The following MAGI1 variants were observed in gnomAD, a reference collection of about 807,000 sequenced individuals.
MAGI1 encodes membrane associated guanylate kinase, WW and PDZ domain containing 1.
A neutral mutation model predicts 139.9 loss-of-function variants in MAGI1; 58 were observed. The observed-to-expected ratio is 0.41, with a 90% CI of 0.34 to 0.52. MAGI1 has a LOEUF of 0.52. MAGI1 is among the 20% of genes least tolerant of loss of function. MAGI1 has a pLI of 0.12. For missense variants in MAGI1, 1,874 were observed against 1,901.6 expected, an observed-to-expected ratio of 0.99 and a Z score of 0.27; for synonymous variants, 812 against 737.9, an observed-to-expected ratio of 1.10 and a Z score of -1.63.
rs139807181 is a variant in MAGI1 at position 65,368,133 on chromosome 3, T to C, written c.3197-3187A>G. ...GAGCCCATTATAAAAAAGAGCTTTATCCCAAAGCAAAATTGACTACTTACG... is the reference window on the plus strand; with the variant it reads ...GAGCCCATTATAAAAAAGAGCTTTACCCCAAAGCAAAATTGACTACTTACG... On this transcript the variant is annotated intron_variant, in intron 18 of 22. Transcript: ENST00000402939. 1.1e-4 allele frequency among the ~76,000 whole-genome samples: 17 copies of C among 152,154 alleles called. No individual in the cohort carries two copies. In the East Asian group the frequency reaches 3.3e-3, roughly 29 times the overall value.
At chr3:65,657,489 T>A (rs1231562042) in intron 1 of MAGI1, among the ~76,000 whole-genome samples, 1 of 150,358 alleles carries the variant, frequency 6.7e-6, no homozygotes, top group Non-Finnish European at 1.5e-5. Flanking sequence ...GTGGGGGAAG[T>A]GTCCTCTATT....
intron 2 of MAGI1, among the ~76,000 whole-genome samples, chr3:65,596,087 C>T (rs1281524958): frequency 6.6e-6 from 1 of 152,086 alleles, no homozygotes; most frequent in East Asian, 1.9e-4. Context: ...GAAAAGAATC[C>T]AACTTCATAT....
chr3:65,541,521 A>G (rs1323801165), intron 2 of MAGI1, among the ~76,000 whole-genome samples: 1 of 152,234 alleles, frequency 6.6e-6, no homozygotes, highest in African/African-American at 2.4e-5. Flanking sequence ...GAAATCCTCA[A>G]TAAAATACTG....
intron 2 of MAGI1, among the ~76,000 whole-genome samples, chr3:65,520,578 A>C (rs1413942585): frequency 1.3e-5 from 2 of 152,202 alleles, no homozygotes; most frequent in Non-Finnish European, 2.9e-5. Flanking sequence ...ATGAGTACTC[A>C]AAAAAAGTGA....
chr3:65,936,933 GTGATGGTGGTGGTGA>G (rs2063087308), intron 1 of MAGI1, among the ~76,000 whole-genome samples: 3 of 151,244 alleles, frequency 2.0e-5, no homozygotes, highest in Admixed American at 6.6e-5. Context: ...GGTGGTGGTG[GTGATGGTGGTGGTGA>G]TGGTGATGGT....
In MAGI1 at chr3:65,764,463, T is replaced by C. The variant is rs373502753; in HGVS notation, c.314-142375A>G. Among the ~76,000 whole-genome samples, 9 of 152,384 alleles carry C rather than the reference T, an allele frequency of 5.9e-5. No homozygotes were observed. In the East Asian group the frequency reaches 1.5e-3, roughly 26 times the overall value. Reference sequence around the variant, plus strand: ...ATATTCTATTTTACTATGTTTGCTATGTTTTCAAAAGAACCAACATTTTAG... The same window carrying C: ...ATATTCTATTTTACTATGTTTGCTACGTTTTCAAAAGAACCAACATTTTAG... On this transcript the variant is annotated intron_variant, in intron 1 of 22. Transcript: ENST00000402939.
intron 1 of MAGI1, among the ~76,000 whole-genome samples, chr3:65,916,013 T>C (rs534956964): frequency 2.0e-5 from 3 of 148,764 alleles, no homozygotes; most frequent in African/African-American, 4.9e-5. Context: ...TTTATATACA[T>C]ATAATTTATA....
chr3:65,433,439 G>A (rs1284145232), intron 10 of MAGI1, among the ~76,000 whole-genome samples: 1 of 152,140 alleles, frequency 6.6e-6, no homozygotes, highest in Non-Finnish European at 1.5e-5. Flanking sequence ...ACAAGGGAAG[G>A]AAAATCAGAG....
At chr3:65,612,404 T>C (rs2083171402) in intron 2 of MAGI1, among the ~76,000 whole-genome samples, 2 of 152,180 alleles carry the variant, frequency 1.3e-5, no homozygotes, top group Admixed American at 1.3e-4. Flanking sequence ...TGTAGCCATT[T>C]GAGCATAAGT....
intron 1 of MAGI1, among the ~76,000 whole-genome samples, chr3:65,783,048 T>C (rs551002170): frequency 1.3e-5 from 2 of 149,962 alleles, no homozygotes; most frequent in Non-Finnish European, 3.0e-5. Context: ...GACATCAAAA[T>C]GAAAAACTTT....
intron 12 of MAGI1, among the ~76,000 whole-genome samples, chr3:65,426,441 A>T (rs1372186158): frequency 1.3e-5 from 2 of 152,212 alleles, no homozygotes; most frequent in Non-Finnish European, 1.5e-5. Context: ...GTTCTGTCCC[A>T]AAGTAAAAAT....
At chr3:65,361,434 G>T in intron 21 of MAGI1, 97 bp from the exon 22 acceptor site, 1 of 1,236,092 alleles carries the variant, frequency 8.1e-7, no homozygotes, top group Non-Finnish European at 1.1e-6. Flanking sequence ...TTGCTTTGGA[G>T]GTGGCAGTGA....
intron 12 of MAGI1, among the ~76,000 whole-genome samples, chr3:65,406,147 T>C (rs1945322840): frequency 6.6e-6 from 1 of 152,114 alleles, no homozygotes; most frequent in Non-Finnish European, 1.5e-5. Flanking sequence ...CCAAAATGAA[T>C]GCATACATAT....
At position 65,400,750 on chromosome 3, in the gene MAGI1, A is replaced by ATTTTTTTTTTTTT. The variant is rs767598706; in HGVS notation, c.2199+676_2199+688dup. On this transcript the variant is annotated intron_variant, in intron 13 of 22. Transcript: ENST00000402939. ...GATTGGAAAGGACAGCAAAACATTG[A>ATTTTTTTTTTTTT]TTTTTTTTTTTTTTTTTTTTTTTTT... Among the ~76,000 whole-genome samples the ATTTTTTTTTTTTT allele has an allele frequency of 2.3e-4, 14 of 60,600 alleles. 1 individual carries two copies. The highest frequency in any genetic ancestry group is 5.4e-4 in the South Asian group (1 of 1,848). The allele number at this position is 60,600 out of a possible 152,430, so 39.8% of individuals were successfully genotyped here. A position where few individuals can be genotyped will look rare whatever the true frequency, so the allele number is the denominator to read the frequency against.
chr3:65,789,023 T>A (rs568373612), intron 1 of MAGI1, among the ~76,000 whole-genome samples: 6 of 151,870 alleles, frequency 4.0e-5, no homozygotes, highest in South Asian at 2.1e-4. Context: ...ACAAAAAAAA[T>A]GTAAAACATT....
At chr3:65,873,662 A>G (rs1383738207) in intron 1 of MAGI1, 4 of 152,180 alleles carry the variant, frequency 2.6e-5, no homozygotes, top group Non-Finnish European at 5.9e-5. Flanking sequence ...CTGGACAGTA[A>G]CAGTGTGTCA....
chr3:65,483,986 A>G (rs1340900491), intron 3 of MAGI1, among the ~76,000 whole-genome samples: 1 of 152,228 alleles, frequency 6.6e-6, no homozygotes, highest in Non-Finnish European at 1.5e-5. Context: ...AAATTATACA[A>G]ATTTACTATT....
At chr3:65,429,467 G>A in intron 12 of MAGI1, 53 bp downstream of exon 12, 1 of 1,516,872 alleles carries the variant, frequency 6.6e-7, no homozygotes, top group Non-Finnish European at 8.8e-7. Flanking sequence ...AGTAAGTTAA[G>A]CAATGAATTT....
At chr3:65,716,559 G>A (rs2032277246) in intron 1 of MAGI1, among the ~76,000 whole-genome samples, 1 of 152,150 alleles carries the variant, frequency 6.6e-6, no homozygotes, top group Non-Finnish European at 1.5e-5. Context: ...CTTGCTACCT[G>A]ACTCTGAAAT....
Sources: allele counts gnomAD v4.1 joint callset (sites outside exome capture counted in the v4.1 genomes callset), GRCh38; gene constraint gnomAD v4.1.1; transcripts MANE v1.5; gene names NCBI Gene and HGNC (gene_info 2026-07-23, HGNC 2026-07-21).